Variants in SECISBP2L observed in about 807,000 individuals in gnomAD.
SECISBP2L encodes SECIS binding protein 2 like, also known as selenocysteine insertion sequence-binding protein 2-like.
SECISBP2L carries 43 observed loss-of-function variants against 114.7 expected under a neutral mutation model. That is an observed-to-expected ratio of 0.38 (90% CI 0.29 to 0.48). The LOEUF is 0.48. SECISBP2L is among the 20% of genes least tolerant of loss of function. SECISBP2L has a pLI of 0.98. For missense variants in SECISBP2L, 1,136 were observed against 1,301.1 expected (o/e 0.87, Z 1.95); for synonymous variants, 451 against 439.7 (o/e 1.03, Z -0.32).
At chr15:49,009,659 A>C (rs1387518869) in intron 13 of SECISBP2L, among the ~76,000 whole-genome samples, 1 of 151,940 alleles carries the variant, frequency 6.6e-6, no homozygotes, top group Admixed American at 6.6e-5. Flanking sequence ...AAATCGCTTG[A>C]ATCTGGGAGT....
At chr15:49,025,925 CTCT>C (rs1902731560) in intron 7 of SECISBP2L, among the ~76,000 whole-genome samples, 2 of 152,188 alleles carry the variant, frequency 1.3e-5, no homozygotes, top group South Asian at 4.1e-4. Context: ...ATATCTGCCT[CTCT>C]TCTTTATTGC....
At chr15:49,044,814 T>C (rs935622936) in intron 1 of SECISBP2L, among the ~76,000 whole-genome samples, 1 of 152,186 alleles carries the variant, frequency 6.6e-6, no homozygotes, top group Admixed American at 6.5e-5. Flanking sequence ...AATAGTTAAT[T>C]ATATTTCCTC....
At chr15:49,045,300 G>A (rs1238915457) in intron 1 of SECISBP2L, among the ~76,000 whole-genome samples, 1 of 152,140 alleles carries the variant, frequency 6.6e-6, no homozygotes, top group African/African-American at 2.4e-5. Context: ...ACACATACAG[G>A]AATTTGGGAA....
chr15:49,039,453 G>A lies in SECISBP2L; in HGVS notation c.25-1684C>T, dbSNP rs186857025. Among the ~76,000 whole-genome samples the A allele has an allele frequency of 2.0e-3, 301 of 151,238 alleles. 1 individual carries two copies. Among genetic ancestry groups the A allele is most frequent in the South Asian group, 0.017 (83 of 4,792 alleles). The stretch of plus-strand genomic sequence containing the variant: ...TGCTTTATACAGTTCACACATACAT[G>A]CATAAGAAAAGAAACTGAAATCACA... On this transcript the variant is annotated intron_variant, in intron 1 of 17. Coordinates refer to ENST00000559471, the MANE Select transcript of SECISBP2L (RefSeq NM_001193489.2).
intron 16 of SECISBP2L, among the ~76,000 whole-genome samples, chr15:48,999,449 A>G (rs1331310102): frequency 6.6e-6 from 1 of 152,188 alleles, no homozygotes; most frequent in East Asian, 1.9e-4. Flanking sequence ...CTTCCAATTA[A>G]AGGATTCTTT....
chr15:49,008,457 A>C lies in SECISBP2L; in HGVS notation c.2027+759T>G, dbSNP rs559423861. 2.0e-5 allele frequency among the ~76,000 whole-genome samples: 3 copies of C among 152,294 alleles called. 1 individual carries two copies. The South Asian group carries it at 6.2e-4, about 32-fold the overall frequency. ...TTCCTTCAAGCTGTTCATTTCATACATATGTAACATTTTATCCCCCAAGTG... is the reference window on the plus strand; with the variant it reads ...TTCCTTCAAGCTGTTCATTTCATACCTATGTAACATTTTATCCCCCAAGTG... On this transcript the variant is annotated intron_variant, in intron 14 of 17. Coordinates refer to ENST00000559471, the MANE Select transcript of SECISBP2L (RefSeq NM_001193489.2).
chr15:49,005,281 G>A (rs961815572), intron 14 of SECISBP2L, among the ~76,000 whole-genome samples: 1 of 152,110 alleles, frequency 6.6e-6, no homozygotes, highest in Non-Finnish European at 1.5e-5. Flanking sequence ...AATAAGCCGA[G>A]ATCGCGCCAC....
At chr15:49,021,555 T>C (rs1902639951) in intron 7 of SECISBP2L, among the ~76,000 whole-genome samples, 1 of 152,310 alleles carries the variant, frequency 6.6e-6, no homozygotes, top group East Asian at 1.9e-4. Context: ...GAAGCAGACC[T>C]GGAGAGAAGG....
At chr15:48,993,674 A>T (rs764094176) in intron 17 of SECISBP2L, among the ~76,000 whole-genome samples, 1 of 146,888 alleles carries the variant, frequency 6.8e-6, no homozygotes, top group Non-Finnish European at 1.5e-5. Context: ...CATCTGTGAA[A>T]GGTTGTTTTA....
chr15:48,998,532 G>C (rs143422381), intron 16 of SECISBP2L, among the ~76,000 whole-genome samples: 1 of 152,104 alleles, frequency 6.6e-6, no homozygotes, highest in Admixed American at 6.5e-5. Flanking sequence ...TTTAACATTG[G>C]TTTTACAATA....
At chr15:49,045,681 C>A (rs867768331) in intron 1 of SECISBP2L, among the ~76,000 whole-genome samples, 1 of 152,030 alleles carries the variant, frequency 6.6e-6, no homozygotes, top group African/African-American at 2.4e-5. Context: ...TAAAATAGAG[C>A]TAGCTTTAAA....
At chr15:49,000,466 TA>T (rs1192614208) in intron 15 of SECISBP2L, among the ~76,000 whole-genome samples, 2 of 152,308 alleles carry the variant, frequency 1.3e-5, no homozygotes, top group African/African-American at 4.8e-5. Context: ...AAAGGACAAA[TA>T]AGGATGCATG....
At chr15:49,019,977 A>G (rs1279179065) in intron 7 of SECISBP2L, among the ~76,000 whole-genome samples, 1 of 152,208 alleles carries the variant, frequency 6.6e-6, no homozygotes, top group Non-Finnish European at 1.5e-5. Flanking sequence ...CCAATCCCAA[A>G]AAGACTGTAT....
At chr15:49,001,581 A>C (rs1347860262) in intron 14 of SECISBP2L, 1 of 154,070 alleles carries the variant, frequency 6.5e-6, no homozygotes, top group Admixed American at 6.4e-5. Context: ...CGTCATCTAC[A>C]TTAGGTATTT....
Position 49,000,003 on chromosome 15 carries a change from C to T in SECISBP2L, c.2249-16G>A. 1.9e-6 allele frequency: 3 copies of T among 1,612,212 alleles called. No individual in the cohort carries two copies. Among genetic ancestry groups the T allele is most frequent in the East Asian group, 2.2e-5 (1 of 44,860 alleles). On this transcript the variant is annotated splice_polypyrimidine_tract_variant and intron_variant, in intron 15 of 17. Transcript: ENST00000559471. ...TCCAGACCACCTGAGAAAATCAACA[C>T]ATGCAGACGCCTTTAGTTGTTGCCT...
intron 13 of SECISBP2L, 69 bp from the exon 14 acceptor site, chr15:49,009,447 A>C (rs1902392477): frequency 1.3e-6 from 2 of 1,481,706 alleles, no homozygotes; most frequent in African/African-American, 2.8e-5. Context: ...ACGTTGATCA[A>C]TGCAATTTAG....
chr15:49,046,372 C>T lies in SECISBP2L; in HGVS notation c.-73G>A. The T allele has an allele frequency of 2.2e-6, 3 of 1,393,866 alleles. No homozygotes were observed. The South Asian group carries it at 4.6e-5, about 21-fold the overall frequency. 86.3% of individuals were successfully genotyped at this position (1,393,866 alleles called of 1,614,324 possible). A position where few individuals can be genotyped will look rare whatever the true frequency, so the allele number is the denominator to read the frequency against. ...CTCGGGCCGCTTTCTCCATGGCCCC[C>T]CGCTCGGGTCCAGACTGGGTTCCGG... On this transcript the variant is annotated 5_prime_UTR_variant, in exon 1 of 18. Transcript: ENST00000559471.
intron 1 of SECISBP2L, among the ~76,000 whole-genome samples, chr15:49,040,410 A>C (rs572796691): frequency 2.6e-5 from 4 of 151,108 alleles, no homozygotes; most frequent in Non-Finnish European, 5.9e-5. Flanking sequence ...TATAGCTACA[A>C]CTCTGTATGG....
chr15:49,000,890 T>G lies in SECISBP2L; in HGVS notation c.2235A>C (p.Lys745Asn). 1 of 1,612,954 alleles carries G rather than the reference T, an allele frequency of 6.2e-7. No homozygotes were observed. Among genetic ancestry groups the G allele is most frequent in the Non-Finnish European group, 8.5e-7 (1 of 1,179,608 alleles). Reference protein sequence around the residue: ...KCVIISPNCEKIQSKGGLDEA... With the variant: ...KCVIISPNCENIQSKGGLDEA... Reference sequence around the variant, plus strand: ...AAAAGCGCATACCTTTTGACTGGATTTTTTCACAGTTTGGAGAAATTATAA... The same window carrying G: ...AAAAGCGCATACCTTTTGACTGGATGTTTTCACAGTTTGGAGAAATTATAA... The change falls in exon 15 of 18, where the codon AAA (lysine) becomes AAC (asparagine). Residue 745 changes from lysine to asparagine, a missense_variant. Around this residue, in one of 2 missense-constraint regions of SECISBP2L, gnomAD observed 684 missense variants for 848.7 expected, o/e 0.81. Coordinates refer to ENST00000559471, the MANE Select transcript of SECISBP2L (RefSeq NM_001193489.2).
Sources: allele counts gnomAD v4.1 joint callset (sites outside exome capture counted in the v4.1 genomes callset), GRCh38; gene constraint gnomAD v4.1.1; regional missense constraint gnomAD v4.1.1; transcripts MANE v1.5; gene names NCBI Gene and HGNC (gene_info 2026-07-23, HGNC 2026-07-21).